The following PTPRN2 variants were observed in gnomAD, a reference collection of about 807,000 sequenced individuals.
The protein encoded by PTPRN2 is protein tyrosine phosphatase receptor type N2.
Under a neutral mutation model 118.8 loss-of-function variants are expected in PTPRN2, and 74 were observed. That is an observed-to-expected ratio of 0.62 (90% CI 0.52 to 0.76). The LOEUF (loss-of-function observed/expected upper bound fraction) is 0.76, where lower values mean the gene tolerates loss of function less well. PTPRN2 is among the 30% of genes least tolerant of loss of function. The pLI is 0.00. For missense variants in PTPRN2, 1,481 were observed against 1,394.4 expected (o/e 1.06, Z -0.99); for synonymous variants, 641 against 608.0 (o/e 1.05, Z -0.80).
At chr7:157,814,432 G>T (rs79814775) in intron 12 of PTPRN2, among the ~76,000 whole-genome samples, 8,095 of 151,826 alleles carry the variant, frequency 0.053, 296 homozygotes, top group African/African-American at 0.09. Context: ...TCGACATGGG[G>T]CAGGACGGGA....
intron 11 of PTPRN2, chr7:158,029,177 C>T (rs1360092367): frequency 1.5e-5 from 2 of 131,482 alleles, no homozygotes; most frequent in East Asian, 2.0e-4. Flanking sequence ...GCACGGGGTC[C>T]GTATCCACTC....
intron 12 of PTPRN2, among the ~76,000 whole-genome samples, chr7:157,890,202 T>G (rs1305581206): frequency 2.6e-5 from 4 of 152,190 alleles, no homozygotes; most frequent in Non-Finnish European, 5.9e-5. Context: ...GGTTTGCAGA[T>G]GACCACTGCT....
At chr7:157,803,808 A>G (rs1281464993) in intron 12 of PTPRN2, among the ~76,000 whole-genome samples, 2 of 152,066 alleles carry the variant, frequency 1.3e-5, no homozygotes, top group Non-Finnish European at 2.9e-5. Context: ...GTATTGTTTT[A>G]ATAACCATAG....
intron 12 of PTPRN2, among the ~76,000 whole-genome samples, chr7:157,766,927 C>T (rs2151018469): frequency 6.6e-6 from 1 of 152,246 alleles, no homozygotes; most frequent in East Asian, 1.9e-4. Context: ...GCTCTCAGCA[C>T]TGGCTCTTGC....
At position 158,174,707 on chromosome 7, in the gene PTPRN2, G is replaced by A. The variant is rs567034308; in HGVS notation, c.550-7416C>T. Reference sequence around the variant, plus strand: ...TAGACATTAACAACCGTAATTGAAAGAATGCTATTAGAAAGGGTCAGAAAA... The same window carrying A: ...TAGACATTAACAACCGTAATTGAAAAAATGCTATTAGAAAGGGTCAGAAAA... On this transcript the variant is annotated intron_variant, in intron 5 of 22. Transcript: ENST00000389418. Among the ~76,000 whole-genome samples, 5 of 152,326 alleles carry A rather than the reference G, an allele frequency of 3.3e-5. No homozygotes were observed. The South Asian group carries it at 6.2e-4, about 19-fold the overall frequency.
At chr7:158,370,797 C>T (rs898115263) in intron 2 of PTPRN2, among the ~76,000 whole-genome samples, 1 of 151,930 alleles carries the variant, frequency 6.6e-6, no homozygotes, top group Non-Finnish European at 1.5e-5. Flanking sequence ...GCTGGGAGAA[C>T]CAGAATAAAT....
rs554642815 is a variant in PTPRN2, at chr7:158,264,000, T to C, written c.277+52819A>G. 2.0e-5 allele frequency among the ~76,000 whole-genome samples: 3 copies of C among 152,210 alleles called. No homozygotes were observed. In the South Asian group the frequency reaches 6.2e-4, roughly 32 times the overall value. On this transcript the variant is annotated intron_variant, in intron 3 of 22. Transcript: ENST00000389418. ...AGCCACTGGGCTCCCTAAATTCAAG[T>C]CCAACTCTACCCCTGCCACTCTCAC...
chr7:158,308,224 T>C (rs1801439758), intron 3 of PTPRN2, among the ~76,000 whole-genome samples: 2 of 152,282 alleles, frequency 1.3e-5, no homozygotes, highest in South Asian at 2.1e-4. Context: ...AAGAAAAAAG[T>C]CTATCAACCA....
intron 11 of PTPRN2, among the ~76,000 whole-genome samples, chr7:157,926,638 G>T (rs147576602): frequency 6.6e-6 from 1 of 152,112 alleles, no homozygotes; most frequent in Admixed American, 6.5e-5. Flanking sequence ...GGCCTCCTAC[G>T]CACCCTCCAG....
chr7:158,033,791 G>A lies in PTPRN2; in HGVS notation c.1723+47507C>T, dbSNP rs112583278. On this transcript the variant is annotated intron_variant, in intron 11 of 22. Transcript: ENST00000389418. ...GCACATCCCTGGTCAGCAATGCTGT[G>A]TGTGTGGCTGACTGCACGCTGAGAC... is the stretch of plus-strand genomic sequence containing the variant. 9.2e-3 allele frequency among the ~76,000 whole-genome samples: 1,401 copies of A among 151,570 alleles called. 18 individuals are homozygous for A. Among genetic ancestry groups the A allele is most frequent in the African/African-American group, 0.033 (1,349 of 41,234 alleles).
intron 2 of PTPRN2, among the ~76,000 whole-genome samples, chr7:158,440,340 C>T (rs1225129176): frequency 1.3e-5 from 2 of 152,240 alleles, no homozygotes; most frequent in African/African-American, 4.8e-5. Flanking sequence ...TATCTCAGGA[C>T]TGGTGCAGTA....
intron 2 of PTPRN2, among the ~76,000 whole-genome samples, chr7:158,343,793 C>T (rs951952390): frequency 3.3e-5 from 5 of 152,132 alleles, no homozygotes; most frequent in African/African-American, 4.8e-5. Context: ...AAGCAGGGCT[C>T]GCGCAGAGGC....
At position 157,831,241 on chromosome 7, in the gene PTPRN2, G is replaced by A. The variant is rs1807543754; in HGVS notation, c.1788+67432C>T. On this transcript the variant is annotated intron_variant, in intron 12 of 22. Coordinates refer to ENST00000389418, the MANE Select transcript of PTPRN2 (RefSeq NM_002847.5). This position sits in a 1 kb window ranked among gnomAD's most constrained non-coding sequence, Gnocchi z 4.8. The stretch of plus-strand genomic sequence containing the variant: ...TACAAGGGGTGCAGGGAAGTCCAGA[G>A]ACAGAAGCCCCCATGGTGCAGGCCT... Among the ~76,000 whole-genome samples, 2 of 152,226 alleles carry A rather than the reference G, an allele frequency of 1.3e-5. No individual in the cohort carries two copies. Among genetic ancestry groups the A allele is most frequent in the African/African-American group, 2.4e-5 (1 of 41,454 alleles).
chr7:157,628,215 T>C (rs1803704621), intron 14 of PTPRN2, among the ~76,000 whole-genome samples: 1 of 152,210 alleles, frequency 6.6e-6, no homozygotes, highest in South Asian at 2.1e-4. Context: ...AAAAGTGTGA[T>C]TGCCATGAAC....
chr7:158,582,418 C>A (rs1828674141), intron 1 of PTPRN2, among the ~76,000 whole-genome samples: 1 of 152,082 alleles, frequency 6.6e-6, no homozygotes, highest in South Asian at 2.1e-4. Flanking sequence ...CCGCTCCACG[C>A]ACAAAGAATC....
At chr7:157,700,982 T>C (rs950055844) in intron 12 of PTPRN2, among the ~76,000 whole-genome samples, 3 of 152,240 alleles carry the variant, frequency 2.0e-5, no homozygotes, top group African/African-American at 7.2e-5. Flanking sequence ...GCACATGCAC[T>C]GTCTCTCACA....
In PTPRN2 at chr7:157,720,562, C is replaced by T. The variant is rs953718643; in HGVS notation, c.1789-37625G>A. Reference sequence around the variant, plus strand: ...GCCTGAGCCAAGGACACTGCGGCCCCGGCTGCACCGATGCATGGGTGTGCA... The same window carrying T: ...GCCTGAGCCAAGGACACTGCGGCCCTGGCTGCACCGATGCATGGGTGTGCA... On this transcript the variant is annotated intron_variant, in intron 12 of 22. Transcript: ENST00000389418. 7.9e-5 allele frequency among the ~76,000 whole-genome samples: 12 copies of T among 152,234 alleles called. No individual in the cohort carries two copies. The South Asian group carries it at 8.3e-4, about 10-fold the overall frequency.
intron 3 of PTPRN2, among the ~76,000 whole-genome samples, chr7:158,298,160 G>C (rs1292885938): frequency 6.6e-6 from 1 of 152,078 alleles, no homozygotes; most frequent in Non-Finnish European, 1.5e-5. Flanking sequence ...CAAAGACCCA[G>C]AGATATTTCT....
At chr7:157,727,993 C>T (rs1728028082) in intron 12 of PTPRN2, among the ~76,000 whole-genome samples, 1 of 152,184 alleles carries the variant, frequency 6.6e-6, no homozygotes, top group Non-Finnish European at 1.5e-5. Context: ...CATCTGTGGG[C>T]CCCCCAGCTC....
Sources: allele counts gnomAD v4.1 joint callset (sites outside exome capture counted in the v4.1 genomes callset), GRCh38; gene constraint gnomAD v4.1.1; non-coding constraint Gnocchi (gnomAD v3.1); transcripts MANE v1.5; gene names NCBI Gene and HGNC (gene_info 2026-07-23, HGNC 2026-07-21).